Variants in FOXP2 observed in about 807,000 individuals in gnomAD.
The protein encoded by FOXP2 is forkhead box protein P2.
A neutral mutation model predicts 115.8 loss-of-function variants in FOXP2; 12 were observed. The observed-to-expected ratio is 0.10, with a 90% CI of 0.07 to 0.17. The LOEUF (loss-of-function observed/expected upper bound fraction) is 0.17, where lower values mean the gene tolerates loss of function less well. FOXP2 is among the 10% of genes least tolerant of loss of function. FOXP2 has a pLI of 1.00. For synonymous variants in FOXP2, 328 were observed against 297.7 expected (o/e 1.10, Z -1.05); for missense variants, 629 against 843.5 (o/e 0.75, Z 3.15).
intron 3 of FOXP2, chr7:114,561,629 G>A (rs947648773): frequency 5.9e-5 from 9 of 152,070 alleles, no homozygotes; most frequent in South Asian, 2.1e-4. Context: ...CACCTGTCAC[G>A]CGTGTACTTA....
intron 2 of FOXP2, among the ~76,000 whole-genome samples, chr7:114,479,165 C>G (rs1584786154): frequency 6.6e-6 from 1 of 151,832 alleles, no homozygotes; most frequent in East Asian, 1.9e-4. Flanking sequence ...TTCTAGACAA[C>G]TTTCCAGTAG....
chr7:114,645,470 A>G (rs1348806101), intron 8 of FOXP2: 6 of 152,046 alleles, frequency 3.9e-5, no homozygotes, highest in Non-Finnish European at 2.9e-5. Flanking sequence ...TAAAAAAATC[A>G]TAAGGGGTTC....
chr7:114,166,520 T>C (rs560564591), intron 1 of FOXP2, among the ~76,000 whole-genome samples: 1 of 152,018 alleles, frequency 6.6e-6, no homozygotes, highest in Non-Finnish European at 1.5e-5. Context: ...CTGGCTAACA[T>C]TGTGAATCCT....
upstream of FOXP2, among the ~76,000 whole-genome samples, chr7:114,412,665 T>C (rs1016083238): frequency 2.6e-5 from 4 of 152,184 alleles, no homozygotes; most frequent in Non-Finnish European, 5.9e-5. Context: ...GATGCAGCTT[T>C]GTGCGGGAGG....
At chr7:114,517,424 A>G (rs1259070186) in intron 2 of FOXP2, among the ~76,000 whole-genome samples, 1 of 152,064 alleles carries the variant, frequency 6.6e-6, no homozygotes, top group East Asian at 1.9e-4. Context: ...GCCTACATCA[A>G]TGTCTTGGAA....
chr7:114,413,250 A>G (rs1368872458), upstream of FOXP2, among the ~76,000 whole-genome samples: 2 of 146,008 alleles, frequency 1.4e-5, no homozygotes, highest in Non-Finnish European at 3.0e-5. Context: ...GAAGCCCTGT[A>G]AACTGTGAAG....
chr7:114,497,715 C>T (rs1268260014), intron 2 of FOXP2, among the ~76,000 whole-genome samples: 1 of 150,832 alleles, frequency 6.6e-6, no homozygotes, highest in Non-Finnish European at 1.5e-5. Flanking sequence ...ATAAAAGTTG[C>T]ATTTAGATAG....
chr7:114,253,626 C>T (rs1289398302), intron 1 of FOXP2, among the ~76,000 whole-genome samples: 4 of 151,962 alleles, frequency 2.6e-5, no homozygotes, highest in South Asian at 4.2e-4. Context: ...CCTGCCTTTT[C>T]TTGTTTTCCA....
chr7:114,307,512 G>A (rs1408236223), intron 2 of FOXP2, among the ~76,000 whole-genome samples: 1 of 152,160 alleles, frequency 6.6e-6, no homozygotes, highest in Non-Finnish European at 1.5e-5. Context: ...TATGCATTCT[G>A]TGGCCCTTTC....
At chr7:114,350,694 T>C (rs1002417094) in intron 2 of FOXP2, among the ~76,000 whole-genome samples, 3 of 152,150 alleles carry the variant, frequency 2.0e-5, no homozygotes, top group African/African-American at 7.2e-5. Flanking sequence ...AGAAATCAAC[T>C]TGGACCCTTC....
At chr7:114,534,852 T>A (rs1379576677) in intron 3 of FOXP2, 146 bp downstream of exon 3, 3 of 703,584 alleles carry the variant, frequency 4.3e-6, no homozygotes, top group Non-Finnish European at 7.5e-6. Context: ...ATTCATTTTA[T>A]CTTCTTAAAG....
intron 1 of FOXP2, among the ~76,000 whole-genome samples, chr7:114,178,627 T>C (rs1479102081): frequency 6.6e-6 from 1 of 152,002 alleles, no homozygotes; most frequent in African/African-American, 2.4e-5. Flanking sequence ...AGAGTTAATG[T>C]TGGTAGAATG....
In FOXP2 at chr7:114,408,290, T is replaced by G. The variant is rs947835840; in HGVS notation, c.-10-18212T>G. On this transcript the variant is annotated intron_variant, in intron 2 of 17. Coordinates refer to the FOXP2 transcript ENST00000634411. ...CCTTATTTTTTAGATCTTGATTATT[T>G]TTAAGTTTAAATTTATGTAACACAT... 6.6e-5 allele frequency among the ~76,000 whole-genome samples: 10 copies of G among 152,302 alleles called. No individual in the cohort carries two copies. The South Asian group carries it at 2.1e-3, about 32-fold the overall frequency.
At chr7:114,544,770 A>G (rs532496724) in intron 3 of FOXP2, among the ~76,000 whole-genome samples, 5 of 152,240 alleles carry the variant, frequency 3.3e-5, no homozygotes, top group Non-Finnish European at 7.3e-5. Context: ...TTCCCATAGT[A>G]TCCAGCATTT....
intron 16 of FOXP2, among the ~76,000 whole-genome samples, chr7:114,684,886 A>G (rs964470634): frequency 2.0e-5 from 3 of 152,222 alleles, no homozygotes; most frequent in Non-Finnish European, 4.4e-5. Flanking sequence ...GTACATGTCT[A>G]CATGAAACTG....
intron 1 of FOXP2, among the ~76,000 whole-genome samples, chr7:114,284,965 G>C (rs1029385108): frequency 6.6e-6 from 1 of 152,084 alleles, no homozygotes; most frequent in African/African-American, 2.4e-5. Flanking sequence ...CTTACGAATG[G>C]GAGCTAAATG....
At chr7:114,206,093 T>A (rs1394150171) in intron 1 of FOXP2, among the ~76,000 whole-genome samples, 2 of 152,164 alleles carry the variant, frequency 1.3e-5, no homozygotes, top group African/African-American at 4.8e-5. Flanking sequence ...ACCACCCGTC[T>A]TTCCAGGACT....
chr7:114,485,679 T>C (rs1796741868), intron 2 of FOXP2, among the ~76,000 whole-genome samples: 1 of 152,146 alleles, frequency 6.6e-6, no homozygotes, highest in Admixed American at 6.6e-5. Context: ...CTAATATGTA[T>C]TGAACACCCT....
At chr7:114,673,220 G>A (rs1288174534) in intron 16 of FOXP2, among the ~76,000 whole-genome samples, 3 of 152,152 alleles carry the variant, frequency 2.0e-5, no homozygotes, top group African/African-American at 4.8e-5. Context: ...AGAACTATAA[G>A]GGTCCTTAGA....
Sources: allele counts gnomAD v4.1 joint callset (sites outside exome capture counted in the v4.1 genomes callset), GRCh38; gene constraint gnomAD v4.1.1; transcripts MANE v1.5; gene names NCBI Gene and HGNC (gene_info 2026-07-23, HGNC 2026-07-21).